GRIN2B: variants seen among roughly 807,000 people sequenced by gnomAD.
GRIN2B encodes glutamate ionotropic receptor NMDA type subunit 2B.
GRIN2B carries 5 observed loss-of-function variants against 114.5 expected under a neutral mutation model. The ratio of observed to expected loss-of-function variants is 0.04; its 90% CI spans 0.02 to 0.09. The LOEUF (loss-of-function observed/expected upper bound fraction) is 0.09, where lower values mean the gene tolerates loss of function less well. Among genes scored for constraint, GRIN2B ranks in the 10% least tolerant of loss-of-function variants. The probability of loss-of-function intolerance (pLI) is 1.00; values close to 1 mark genes in which losing one functional copy is unlikely to be tolerated. For missense variants in GRIN2B, 1,108 were observed against 1,943.5 expected (o/e 0.57, Z 8.08); for synonymous variants, 787 against 745.1 (o/e 1.06, Z -0.92).
chr12:13,579,808 A>G (rs1271293518), intron 10 of GRIN2B, among the ~76,000 whole-genome samples: 1 of 152,206 alleles, frequency 6.6e-6, no homozygotes, highest in Non-Finnish European at 1.5e-5. Flanking sequence ...ATTTCCCTAC[A>G]CTACTAGCTA....
chr12:13,776,839 G>A (rs1591724553), intron 3 of GRIN2B, among the ~76,000 whole-genome samples: 2 of 152,244 alleles, frequency 1.3e-5, no homozygotes, highest in South Asian at 2.1e-4. Context: ...GAGGAGACAG[G>A]AGCCCCCAAA....
At chr12:13,978,601 A>T (rs1421107) in intron 2 of GRIN2B, among the ~76,000 whole-genome samples, 58,075 of 151,996 alleles carry the variant, frequency 0.38, 13,383 homozygotes, top group East Asian at 0.62. Context: ...AGAAAAAAAA[A>T]TTGTGTGTGT....
chr12:13,726,645 A>C (rs1862994000), intron 4 of GRIN2B, among the ~76,000 whole-genome samples: 1 of 148,360 alleles, frequency 6.7e-6, no homozygotes, highest in African/African-American at 2.6e-5. Flanking sequence ...TCTTTTTTAT[A>C]ATTTCATGTA....
At chr12:13,606,201 A>G (rs1329033281) in intron 10 of GRIN2B, among the ~76,000 whole-genome samples, 1 of 148,454 alleles carries the variant, frequency 6.7e-6, no homozygotes, top group African/African-American at 2.4e-5. Flanking sequence ...GGAATACCTG[A>G]GACTAGGTAA....
intron 3 of GRIN2B, among the ~76,000 whole-genome samples, chr12:13,857,516 G>GA (rs922046758): frequency 2.0e-5 from 3 of 152,084 alleles, no homozygotes; most frequent in Middle Eastern, 3.4e-3. Context: ...TGAAAGTTAA[G>GA]AAAAAAAGAA....
chr12:13,811,838 A>G (rs1476297310), intron 3 of GRIN2B, among the ~76,000 whole-genome samples: 1 of 152,206 alleles, frequency 6.6e-6, no homozygotes, highest in Non-Finnish European at 1.5e-5. Flanking sequence ...ATCTTCTTTT[A>G]ACGGAGATAA....
chr12:13,792,990 A>C (rs1306331948), intron 3 of GRIN2B, among the ~76,000 whole-genome samples: 1 of 152,224 alleles, frequency 6.6e-6, no homozygotes, highest in Non-Finnish European at 1.5e-5. Context: ...TCTTAGTAAT[A>C]TTATACAATC....
chr12:13,946,921 C>A (rs1217329096), intron 2 of GRIN2B, among the ~76,000 whole-genome samples: 1 of 152,016 alleles, frequency 6.6e-6, no homozygotes, highest in African/African-American at 2.4e-5. Flanking sequence ...TTTATGTGAC[C>A]CTTAGAAGTG....
chr12:13,867,269 C>T (rs1056984868), intron 2 of GRIN2B, among the ~76,000 whole-genome samples: 4 of 152,040 alleles, frequency 2.6e-5, no homozygotes, highest in Non-Finnish European at 5.9e-5. Flanking sequence ...CTACAAAGAA[C>T]TCCTTCCTTT....
chr12:13,749,332 T>C (rs1204655668), intron 4 of GRIN2B, among the ~76,000 whole-genome samples: 1 of 152,212 alleles, frequency 6.6e-6, no homozygotes, highest in East Asian at 1.9e-4. Flanking sequence ...TGGATAGGTG[T>C]GCATGAGACC....
chr12:13,611,804 G>A lies in GRIN2B; in HGVS notation c.1701C>T (p.Leu567=), dbSNP rs1270004462. 9 of 1,613,240 alleles carry A rather than the reference G, an allele frequency of 5.6e-6. No individual in the cohort carries two copies. The highest frequency in any genetic ancestry group is 7.6e-6 in the Non-Finnish European group (9 of 1,179,260). Reference sequence around the variant, plus strand: ...CAAAGACAGCCACGGCTGAGACGATGAGCAGCATCACAAACATCATCACCC... The same window carrying A: ...CAAAGACAGCCACGGCTGAGACGATAAGCAGCATCACAAACATCATCACCC... ...DVWVMMFVML[L]IVSAVAVFVF... The change falls in exon 9 of 14, where the codon CTC becomes CTT. Residue 567 remains leucine, a synonymous_variant. Transcript: ENST00000609686.
intron 10 of GRIN2B, among the ~76,000 whole-genome samples, chr12:13,602,687 G>A (rs1400375583): frequency 6.6e-6 from 1 of 152,132 alleles, no homozygotes; most frequent in African/African-American, 2.4e-5. Context: ...AAAAGAATAT[G>A]AAGTGACTTC....
Position 13,547,981 on chromosome 12 carries a change from A to ATATATATATTTTTTTTTTT in GRIN2B, c.*14801_*14802insAAAAAAAAAAATATATATA. ...TGTGTATATATATATATATATATAT[A>ATATATATATTTTTTTTTTT]TTTTTTTTTTTTTTCTGAAAGCTAC... On this transcript the variant is annotated 3_prime_UTR_variant, in exon 14 of 14. Transcript: ENST00000609686. 1 of 68,592 alleles carries ATATATATATTTTTTTTTTT rather than the reference A, an allele frequency of 1.5e-5. No homozygotes were observed. The highest frequency in any genetic ancestry group is 2.9e-5 in the Non-Finnish European group (1 of 34,398). 4.2% of individuals were successfully genotyped at this position (68,592 alleles called of 1,614,324 possible).
At chr12:13,682,549 G>A (rs1950140787) in intron 4 of GRIN2B, among the ~76,000 whole-genome samples, 1 of 152,172 alleles carries the variant, frequency 6.6e-6, no homozygotes, top group Non-Finnish European at 1.5e-5. Context: ...AAATGTTCAA[G>A]TTTGGGCTAG....
chr12:13,918,687 A>G (rs1866771869), intron 2 of GRIN2B, among the ~76,000 whole-genome samples: 1 of 152,240 alleles, frequency 6.6e-6, no homozygotes, highest in African/African-American at 2.4e-5. Flanking sequence ...TATTAAAGGG[A>G]TGGTTATTTG....
intron 2 of GRIN2B, among the ~76,000 whole-genome samples, chr12:13,888,481 C>A (rs953095444): frequency 6.6e-6 from 1 of 150,840 alleles, no homozygotes; most frequent in Admixed American, 6.6e-5. Context: ...CAACTGTAAT[C>A]CCAGCACTTT....
intron 3 of GRIN2B, among the ~76,000 whole-genome samples, chr12:13,807,465 A>G (rs220582): frequency 0.4 from 60,156 of 151,682 alleles, 12,243 homozygotes; most frequent in East Asian, 0.55. Flanking sequence ...CTCTCTGACC[A>G]CATTCACCTT....
intron 10 of GRIN2B, among the ~76,000 whole-genome samples, chr12:13,607,276 A>T (rs1949273170): frequency 1.2e-4 from 2 of 16,986 alleles, no homozygotes; most frequent in African/African-American, 3.5e-4. Flanking sequence ...TATATAAAAT[A>T]TATAATATAT....
intron 2 of GRIN2B, among the ~76,000 whole-genome samples, chr12:13,877,860 T>C (rs1281174573): frequency 6.6e-6 from 1 of 151,884 alleles, no homozygotes; most frequent in Non-Finnish European, 1.5e-5. Context: ...GTCAGGAGAT[T>C]GAGACCATCC....
Sources: gnomAD v4.1 joint callset for allele counts (sites outside exome capture counted in the v4.1 genomes callset) on GRCh38, gnomAD v4.1.1 for gene constraint, MANE v1.5 for transcripts, NCBI Gene and HGNC (gene_info 2026-07-23, HGNC 2026-07-21) for gene names.